The following ZMAT4 variants were observed in gnomAD, a reference collection of about 807,000 sequenced individuals.
ZMAT4 encodes the protein zinc finger matrin-type protein 4.
Under a neutral mutation model 28.7 loss-of-function variants are expected in ZMAT4, and 17 were observed. That is an observed-to-expected ratio of 0.59 (90% confidence interval 0.41 to 0.89). ZMAT4 has a LOEUF of 0.89. Ranked by LOEUF, ZMAT4 falls within the 40% of genes least tolerant of loss-of-function variation. The probability of loss-of-function intolerance (pLI) is 0.00; values close to 1 mark genes in which losing one functional copy is unlikely to be tolerated. For synonymous variants in ZMAT4, 117 were observed against 109.2 expected, an observed-to-expected ratio of 1.07 and a Z score of -0.44; for missense variants, 240 against 283.8, an observed-to-expected ratio of 0.85 and a Z score of 1.11.
chr8:40,821,410 C>A (rs1030690144), intron 2 of ZMAT4, among the ~76,000 whole-genome samples: 1 of 150,324 alleles, frequency 6.7e-6, no homozygotes, highest in African/African-American at 2.5e-5. Context: ...ATATTTCCTA[C>A]TGAAATGTTA....
At chr8:40,721,504 T>C (rs1461695227) in intron 3 of ZMAT4, among the ~76,000 whole-genome samples, 1 of 143,766 alleles carries the variant, frequency 7.0e-6, no homozygotes, top group Admixed American at 7.1e-5. Context: ...AGTAATGGGA[T>C]GGCTGGGTCA....
intron 5 of ZMAT4, among the ~76,000 whole-genome samples, chr8:40,602,245 C>T (rs1228549484): frequency 6.6e-6 from 1 of 152,148 alleles, no homozygotes; most frequent in Admixed American, 6.5e-5. Context: ...ATATATATCA[C>T]GTTTTCTTTA....
intron 1 of ZMAT4, among the ~76,000 whole-genome samples, chr8:40,896,064 C>G (rs1173654601): frequency 6.6e-6 from 1 of 151,808 alleles, no homozygotes; most frequent in Non-Finnish European, 1.5e-5. Context: ...ATTTTGACAC[C>G]CCCCCCAAAA....
At chr8:40,587,387 A>G (rs927417664) in intron 5 of ZMAT4, among the ~76,000 whole-genome samples, 4 of 152,188 alleles carry the variant, frequency 2.6e-5, no homozygotes, top group African/African-American at 9.6e-5. Context: ...ATTCCTCTTG[A>G]TTTATTTGAA....
chr8:40,811,338 C>T (rs1036912135), intron 2 of ZMAT4, among the ~76,000 whole-genome samples: 1 of 152,148 alleles, frequency 6.6e-6, no homozygotes, highest in African/African-American at 2.4e-5. Flanking sequence ...GGTATATTTC[C>T]ATAGGGAAAG....
chr8:40,857,365 T>C (rs1817335390), intron 1 of ZMAT4, among the ~76,000 whole-genome samples: 1 of 150,910 alleles, frequency 6.6e-6, no homozygotes, highest in Admixed American at 6.6e-5. Flanking sequence ...ACCCTGTCTC[T>C]TAAAAAAAAA....
chr8:40,677,483 C>G (rs933030266), intron 4 of ZMAT4, among the ~76,000 whole-genome samples: 1 of 152,084 alleles, frequency 6.6e-6, no homozygotes, highest in African/African-American at 2.4e-5. Context: ...TTTCTAACGT[C>G]CCTGGTTTCC....
intron 5 of ZMAT4, among the ~76,000 whole-genome samples, chr8:40,611,521 T>C (rs1371676225): frequency 6.6e-6 from 1 of 152,152 alleles, no homozygotes; most frequent in African/African-American, 2.4e-5. Flanking sequence ...TTTGTATTTT[T>C]AGTAGAGATG....
intron 3 of ZMAT4, among the ~76,000 whole-genome samples, chr8:40,708,369 A>AC (rs1563425887): frequency 6.6e-6 from 1 of 152,174 alleles, no homozygotes; most frequent in Non-Finnish European, 1.5e-5. Context: ...TTTCTGTACA[A>AC]CCCACCAGAA....
chr8:40,670,291 A>G (rs1284765198), intron 5 of ZMAT4, among the ~76,000 whole-genome samples: 2 of 152,224 alleles, frequency 1.3e-5, no homozygotes, highest in African/African-American at 4.8e-5. Context: ...GATGAGGAAA[A>G]GTAAATATTT....
At chr8:40,583,254 A>C (rs768475363) in intron 5 of ZMAT4, among the ~76,000 whole-genome samples, 5 of 152,116 alleles carry the variant, frequency 3.3e-5, no homozygotes, top group Non-Finnish European at 5.9e-5. Flanking sequence ...GTGGTTTGTT[A>C]TCTTCCCTGG....
At chr8:40,555,872 T>C (rs56007691) in intron 6 of ZMAT4, among the ~76,000 whole-genome samples, 139 of 152,242 alleles carry the variant, frequency 9.1e-4, no homozygotes, top group Middle Eastern at 3.4e-3. Flanking sequence ...CTTAACACAC[T>C]GCAATTTGTT....
chr8:40,751,339 A>G (rs1304381401), intron 3 of ZMAT4, among the ~76,000 whole-genome samples: 2 of 152,080 alleles, frequency 1.3e-5, no homozygotes, highest in East Asian at 3.9e-4. Flanking sequence ...GCTTCCAATC[A>G]TGGCAGAAGG....
chr8:40,645,045 T>C (rs1807238785), intron 5 of ZMAT4, among the ~76,000 whole-genome samples: 1 of 152,106 alleles, frequency 6.6e-6, no homozygotes, highest in Non-Finnish European at 1.5e-5. Context: ...AATATAGTAT[T>C]CTATATGGGA....
intron 2 of ZMAT4, among the ~76,000 whole-genome samples, chr8:40,768,504 C>A (rs1813254215): frequency 6.6e-6 from 1 of 152,098 alleles, no homozygotes; most frequent in Non-Finnish European, 1.5e-5. Context: ...GTCAGAACTT[C>A]AAGTTTCTAC....
intron 1 of ZMAT4, among the ~76,000 whole-genome samples, chr8:40,855,783 T>G (rs1370501781): frequency 6.6e-6 from 1 of 151,958 alleles, no homozygotes; most frequent in Non-Finnish European, 1.5e-5. Flanking sequence ...TCAAGCAATC[T>G]TCTCACTTCA....
chr8:40,861,329 T>A (rs1179215429), intron 1 of ZMAT4, among the ~76,000 whole-genome samples: 1 of 152,180 alleles, frequency 6.6e-6, no homozygotes, highest in Non-Finnish European at 1.5e-5. Context: ...TGGGGAAAGA[T>A]TCCCTGTTCA....
intron 2 of ZMAT4, among the ~76,000 whole-genome samples, chr8:40,824,704 AAAAGAAAGAATG>A (rs1461905131): frequency 7.3e-6 from 1 of 137,388 alleles, no homozygotes; most frequent in Non-Finnish European, 1.6e-5. Context: ...AGAAAGAAAG[AAAAGAAAGAATG>A]AAAGAAAGAA....
chr8:40,727,641 T>A lies in ZMAT4; in HGVS notation c.193-30240A>T, dbSNP rs76074809. ...GAGTGGCATGAATCCCATTTCCTTA[T>A]CAGAAGAATAATTCAAAAGGTGTGT... On this transcript the variant is annotated intron_variant, in intron 3 of 6. Coordinates refer to ENST00000297737, the MANE Select transcript of ZMAT4 (RefSeq NM_024645.3). Among the ~76,000 whole-genome samples the A allele has an allele frequency of 3.9e-4, 59 of 152,310 alleles. No homozygotes were observed. In the East Asian group the frequency reaches 6.9e-3, roughly 18 times the overall value.
Sources: gnomAD v4.1 joint callset for allele counts (sites outside exome capture counted in the v4.1 genomes callset) on GRCh38, gnomAD v4.1.1 for gene constraint, MANE v1.5 for transcripts, NCBI Gene and HGNC (gene_info 2026-07-23, HGNC 2026-07-21) for gene names.